The following ANKRD6 variants were observed in gnomAD, a reference collection of about 807,000 sequenced individuals.
ANKRD6 encodes ankyrin repeat domain 6.
Under a neutral mutation model 82.3 loss-of-function variants are expected in ANKRD6, and 56 were observed. The ratio of observed to expected loss-of-function variants is 0.68; its 90% CI spans 0.55 to 0.85. The LOEUF is 0.85. Among genes scored for constraint, ANKRD6 ranks in the 40% least tolerant of loss-of-function variants. The pLI is 0.00. For missense variants in ANKRD6, 852 were observed against 907.6 expected, an observed-to-expected ratio of 0.94 and a Z score of 0.79; for synonymous variants, 347 against 352.1, an observed-to-expected ratio of 0.99 and a Z score of 0.16.
rs527304829 is a variant in ANKRD6, at chr6:89,578,581, C to G, written c.120+11485C>G. On this transcript the variant is annotated intron_variant, in intron 2 of 15. Coordinates refer to ENST00000339746, the MANE Select transcript of ANKRD6 (RefSeq NM_001242809.2). ...AAAGTGCTGGGATCACAGGCATGAG[C>G]CACCGCATCCAGCCTGATTTTTTTC... Among the ~76,000 whole-genome samples, 48 of 152,310 alleles carry G rather than the reference C, an allele frequency of 3.2e-4. 1 individual carries two copies. The East Asian group carries it at 8.3e-3, about 26-fold the overall frequency.
intron 2 of ANKRD6, among the ~76,000 whole-genome samples, chr6:89,583,516 C>T (rs1024378461): frequency 2.0e-5 from 3 of 152,008 alleles, no homozygotes; most frequent in Non-Finnish European, 2.9e-5. Flanking sequence ...GGTAGGTGTC[C>T]CTAGGAGATG....
chr6:89,526,821 G>C (rs1035854285), intron 1 of ANKRD6, among the ~76,000 whole-genome samples: 3 of 152,220 alleles, frequency 2.0e-5, no homozygotes, highest in Non-Finnish European at 4.4e-5. Context: ...CTGAAGGCCT[G>C]AAAACCAGAA....
intron 5 of ANKRD6, among the ~76,000 whole-genome samples, chr6:89,608,368 CTA>C (rs1554260576): frequency 2.2e-4 from 29 of 130,420 alleles, no homozygotes; most frequent in Middle Eastern, 7.6e-3. Context: ...CACACACACA[CTA>C]TATATATATA....
rs1797594721 is a variant in ANKRD6, at chr6:89,603,021, CT to C, written c.220-5del. ...GACTGCTGTTCCTGCCTTTGTGTCA[CT>C]TTGCAGGGGGACCAGACCGCCTTGC... On this transcript the variant is annotated splice_polypyrimidine_tract_variant and splice_region_variant and intron_variant, in intron 3 of 15. Transcript: ENST00000339746. 6.3e-7 allele frequency: 1 copy of C among 1,595,654 alleles called. No homozygotes were observed. The highest frequency in any genetic ancestry group is 1.3e-5 in the African/African-American group (1 of 74,598).
At chr6:89,542,456 A>G (rs1784550793) in intron 1 of ANKRD6, among the ~76,000 whole-genome samples, 1 of 152,158 alleles carries the variant, frequency 6.6e-6, no homozygotes. Flanking sequence ...ATTTACATCT[A>G]TGGGATACTT....
chr6:89,493,024 A>G (rs1375780279), intron 1 of ANKRD6, among the ~76,000 whole-genome samples: 1 of 152,164 alleles, frequency 6.6e-6, no homozygotes, highest in African/African-American at 2.4e-5. Flanking sequence ...AAATAATTCA[A>G]GCTTGTTGTA....
At chr6:89,519,074 C>T (rs2127962253) in intron 1 of ANKRD6, among the ~76,000 whole-genome samples, 1 of 152,272 alleles carries the variant, frequency 6.6e-6, no homozygotes, top group South Asian at 2.1e-4. Flanking sequence ...CTCATTTAAC[C>T]TTAGTTACCT....
At chr6:89,612,769 C>G (rs1211831239) in intron 6 of ANKRD6, among the ~76,000 whole-genome samples, 1 of 152,142 alleles carries the variant, frequency 6.6e-6, no homozygotes, top group Non-Finnish European at 1.5e-5. Context: ...CTCTAATGCC[C>G]CATGCCCAGC....
At chr6:89,601,328 G>A (rs942024437) in intron 3 of ANKRD6, among the ~76,000 whole-genome samples, 1 of 152,090 alleles carries the variant, frequency 6.6e-6, no homozygotes, top group Non-Finnish European at 1.5e-5. Context: ...GCTGAGGACA[G>A]TGATCTGTCC....
chr6:89,603,877 C>T (rs776280191), intron 4 of ANKRD6, among the ~76,000 whole-genome samples: 4 of 152,124 alleles, frequency 2.6e-5, no homozygotes, highest in Non-Finnish European at 4.4e-5. Context: ...AGTGTACACA[C>T]CTGTAGTCCC....
intron 10 of ANKRD6, among the ~76,000 whole-genome samples, chr6:89,623,193 T>C (rs1394601268): frequency 6.6e-6 from 1 of 152,120 alleles, no homozygotes; most frequent in Non-Finnish European, 1.5e-5. Context: ...TAGGACCTAA[T>C]AAATACAATA....
At chr6:89,448,806 G>A (rs972991195) in intron 1 of ANKRD6, among the ~76,000 whole-genome samples, 12 of 152,064 alleles carry the variant, frequency 7.9e-5, no homozygotes, top group African/African-American at 2.2e-4. Flanking sequence ...CGAGATGGGC[G>A]GATCACGAGG....
intron 2 of ANKRD6, among the ~76,000 whole-genome samples, chr6:89,594,072 A>G (rs1162363610): frequency 6.6e-6 from 1 of 152,222 alleles, no homozygotes; most frequent in Non-Finnish European, 1.5e-5. Flanking sequence ...AGTAAATAAT[A>G]AGTGAACCAG....
At chr6:89,445,403 T>C (rs1370319184) in intron 1 of ANKRD6, among the ~76,000 whole-genome samples, 1 of 151,534 alleles carries the variant, frequency 6.6e-6, no homozygotes, top group Non-Finnish European at 1.5e-5. Context: ...CACTAGTAGC[T>C]GGGATTACAG....
rs1486833167 is a variant in ANKRD6 at position 89,616,661 on chromosome 6, A to C, written c.714+4A>C. On this transcript the variant is annotated splice_donor_region_variant and intron_variant, in intron 8 of 15. Transcript: ENST00000339746. ...AGATACGACCATTGTTAACAATGTA[A>C]GTTGAGTTGCAACATTGCTTTCTAA... 3.1e-6 allele frequency: 5 copies of C among 1,613,756 alleles called. No individual in the cohort carries two copies. Among genetic ancestry groups the C allele is most frequent in the Non-Finnish European group, 4.2e-6 (5 of 1,179,730 alleles).
intron 5 of ANKRD6, 133 bp downstream of exon 5, chr6:89,606,238 G>A (rs1336303439): frequency 2.5e-5 from 16 of 652,876 alleles, no homozygotes; most frequent in African/African-American, 3.6e-5. Flanking sequence ...AGGTCCATTC[G>A]GCCCAGAAGT....
intron 1 of ANKRD6, among the ~76,000 whole-genome samples, chr6:89,458,742 T>A (rs764275699): frequency 1.3e-5 from 2 of 152,168 alleles, no homozygotes; most frequent in African/African-American, 4.8e-5. Flanking sequence ...GACTCACATG[T>A]TAATCTCCTC....
rs144814469 is a variant in ANKRD6, at chr6:89,579,702, A to C, written c.120+12606A>C. Among the ~76,000 whole-genome samples, 770 of 146,694 alleles carry C rather than the reference A, an allele frequency of 5.2e-3. 7 individuals carry two copies. Among genetic ancestry groups the C allele is most frequent in the African/African-American group, 0.019 (738 of 39,488 alleles). ...AACCCAGGAGGCGGAAGCTGCAGTA[A>C]TCCAAGATAGTGCCACTGCACTCCA... On this transcript the variant is annotated intron_variant, in intron 2 of 15. Transcript: ENST00000339746.
chr6:89,617,008 C>A, intron 8 of ANKRD6: 1 of 470,380 alleles, frequency 2.1e-6, no homozygotes, highest in South Asian at 1.6e-5. Context: ...GGCCACATGG[C>A]CCTCAGTTTA....
Sources: gnomAD v4.1 joint callset for allele counts (sites outside exome capture counted in the v4.1 genomes callset) on GRCh38, gnomAD v4.1.1 for gene constraint, MANE v1.5 for transcripts, NCBI Gene and HGNC (gene_info 2026-07-23, HGNC 2026-07-21) for gene names.